Variants in ARHGEF38 observed in about 807,000 individuals in gnomAD.
The protein encoded by ARHGEF38 is Rho guanine nucleotide exchange factor 38, also known as Rho guanine nucleotide exchange factor (GEF) 38.
Under a neutral mutation model 79.9 loss-of-function variants are expected in ARHGEF38, and 79 were observed. That is an observed-to-expected ratio of 0.99 (90% CI 0.82 to 1.19). The LOEUF is 1.19. ARHGEF38 is among the 50% of genes most tolerant of loss of function. ARHGEF38 has a pLI of 0.00. For synonymous variants in ARHGEF38, 366 were observed against 328.3 expected, an observed-to-expected ratio of 1.11 and a Z score of -1.24; for missense variants, 962 against 907.2, an observed-to-expected ratio of 1.06 and a Z score of -0.78.
intron 1 of ARHGEF38, among the ~76,000 whole-genome samples, chr4:105,571,944 G>A (rs1726257324): frequency 6.6e-6 from 1 of 152,204 alleles, no homozygotes; most frequent in African/African-American, 2.4e-5. Flanking sequence ...CATTAGTCCT[G>A]TGTGTTGTAC....
chr4:105,593,047 A>C (rs984912311), intron 2 of ARHGEF38, among the ~76,000 whole-genome samples: 1 of 152,226 alleles, frequency 6.6e-6, no homozygotes, highest in African/African-American at 2.4e-5. Context: ...CTTAAAAACC[A>C]AAATCAAACA....
chr4:105,665,736 T>TA (rs1475196878), intron 10 of ARHGEF38, among the ~76,000 whole-genome samples: 8 of 152,178 alleles, frequency 5.3e-5, no homozygotes, highest in Non-Finnish European at 1.2e-4. Context: ...ATGCCAGACT[T>TA]ACCCAGTTTT....
intron 3 of ARHGEF38, among the ~76,000 whole-genome samples, chr4:105,629,231 G>T (rs1386680063): frequency 2.0e-5 from 3 of 152,120 alleles, no homozygotes; most frequent in Non-Finnish European, 4.4e-5. Context: ...ACAGTGCTCA[G>T]CAAAGCTCTG....
At chr4:105,586,685 G>A (rs1162215773) in intron 1 of ARHGEF38, among the ~76,000 whole-genome samples, 1 of 152,116 alleles carries the variant, frequency 6.6e-6, no homozygotes, top group Non-Finnish European at 1.5e-5. Flanking sequence ...ATAATTCATA[G>A]ATTAATTTTA....
intron 1 of ARHGEF38, among the ~76,000 whole-genome samples, chr4:105,588,024 A>T (rs948835654): frequency 2.6e-5 from 4 of 152,236 alleles, no homozygotes; most frequent in African/African-American, 9.6e-5. Context: ...CCAGAGAGAG[A>T]GCTCATTACT....
intron 13 of ARHGEF38, among the ~76,000 whole-genome samples, chr4:105,668,386 A>G (rs1730835244): frequency 6.6e-6 from 1 of 151,952 alleles, no homozygotes; most frequent in African/African-American, 2.4e-5. Context: ...GGGTTTCACC[A>G]TATTGGTCAG....
intron 2 of ARHGEF38, among the ~76,000 whole-genome samples, chr4:105,599,356 G>A (rs1229171627): frequency 6.6e-6 from 1 of 152,106 alleles, no homozygotes; most frequent in African/African-American, 2.4e-5. Flanking sequence ...ACCAAGTGAG[G>A]ATAAAAATGA....
intron 10 of ARHGEF38, among the ~76,000 whole-genome samples, chr4:105,661,676 T>A (rs950607018): frequency 3.3e-5 from 5 of 152,082 alleles, no homozygotes; most frequent in African/African-American, 1.2e-4. Context: ...AATATTTGCA[T>A]ATACACATCT....
At position 105,565,010 on chromosome 4, in the gene ARHGEF38, A is replaced by G. The variant is rs80219672; in HGVS notation, c.196+12049A>G. 1.8e-3 allele frequency among the ~76,000 whole-genome samples: 279 copies of G among 152,306 alleles called. 2 individuals carry two copies. Among genetic ancestry groups the G allele is most frequent in the Middle Eastern group, 0.01 (3 of 294 alleles). ...GAAGTACCCATTTATTTAACTCCTC[A>G]TTGCTCTGTCTGTGCTATGCTGATC... is the stretch of plus-strand genomic sequence containing the variant. On this transcript the variant is annotated intron_variant, in intron 1 of 13. Transcript: ENST00000420470.
Position 105,655,613 on chromosome 4 carries a change from C to T in ARHGEF38, c.1124C>T (p.Pro375Leu). 6.5e-7 allele frequency: 1 copy of T among 1,534,878 alleles called. No individual in the cohort carries two copies. The highest frequency in any genetic ancestry group is 8.7e-7 in the Non-Finnish European group (1 of 1,146,208). Residue 375 changes from proline (P) to leucine (L), a missense_variant, in exon 9 of 14, where the codon CCC (proline) becomes CTC (leucine). Physicochemically the swap from Pro to Leu is moderately conservative, Grantham distance 98 (BLOSUM62 -3). Transcript: ENST00000420470. The part of the protein sequence containing the change: ...LCLQHIQDAM[P>L]LALQSVMDLQ... ...GTTCTTGGGTTTCAGGATGCCATGC[C>T]CCTGGCTCTGCAGAGTGTGATGGAC...
rs1731179343 is a variant in ARHGEF38, at chr4:105,677,926, A to T, written c.2323A>T (p.Thr775Ser). The T allele has an allele frequency of 9.3e-6, 14 of 1,509,544 alleles. No homozygotes were observed. Among genetic ancestry groups the T allele is most frequent in the Non-Finnish European group, 1.2e-5 (14 of 1,129,728 alleles). The allele number at this position is 1,509,544 out of a possible 1,614,324, so 93.5% of individuals were successfully genotyped here. Reference protein sequence around the residue: ...YVPANYLGKMTYA With the variant: ...YVPANYLGKMSYA ...GCCAGCTAACTACCTTGGAAAGATG[A>T]CTTATGCTTAAGAAAATAAGCCTTC... Residue 775 changes from threonine to serine, a missense_variant, in exon 14 of 14, where the codon ACT (threonine) becomes TCT (serine). By Grantham distance (58) the Thr-to-Ser change is moderately conservative (BLOSUM62 1). Transcript: ENST00000420470.
chr4:105,577,736 C>G (rs1417311374), intron 1 of ARHGEF38, among the ~76,000 whole-genome samples: 1 of 152,078 alleles, frequency 6.6e-6, no homozygotes, highest in Non-Finnish European at 1.5e-5. Context: ...ACAGTACTCT[C>G]AAATGATCAT....
intron 13 of ARHGEF38, among the ~76,000 whole-genome samples, chr4:105,674,655 A>G (rs1731059727): frequency 6.6e-6 from 1 of 152,084 alleles, no homozygotes; most frequent in Admixed American, 6.5e-5. Context: ...TTTAACATAA[A>G]TTATATAAAA....
intron 1 of ARHGEF38, among the ~76,000 whole-genome samples, chr4:105,555,309 G>A (rs796216857): frequency 5.9e-5 from 9 of 152,212 alleles, no homozygotes; most frequent in East Asian, 1.9e-4. Context: ...TCTTAAAAAC[G>A]TAACCCTTAA....
At chr4:105,635,814 T>C (rs1729373933) in intron 4 of ARHGEF38, among the ~76,000 whole-genome samples, 1 of 152,088 alleles carries the variant, frequency 6.6e-6, no homozygotes, top group Non-Finnish European at 1.5e-5. Context: ...AAAAAAATTA[T>C]AATTCTGTGC....
At chr4:105,567,527 A>C (rs959483303) in intron 1 of ARHGEF38, among the ~76,000 whole-genome samples, 34 of 152,328 alleles carry the variant, frequency 2.2e-4, no homozygotes, top group African/African-American at 7.9e-4. Context: ...GAACACAATT[A>C]AGTCTTGAAA....
At chr4:105,627,358 G>A (rs1306444482) in intron 3 of ARHGEF38, among the ~76,000 whole-genome samples, 1 of 152,132 alleles carries the variant, frequency 6.6e-6, no homozygotes, top group African/African-American at 2.4e-5. Flanking sequence ...AAGGCCACCT[G>A]GTTTGGTGTG....
At chr4:105,578,675 T>C (rs1726628482) in intron 1 of ARHGEF38, among the ~76,000 whole-genome samples, 1 of 152,308 alleles carries the variant, frequency 6.6e-6, no homozygotes, top group Non-Finnish European at 1.5e-5. Flanking sequence ...GACCTTTTTG[T>C]CTTTTACTGT....
At chr4:105,624,424 A>G (rs1196549001) in intron 3 of ARHGEF38, among the ~76,000 whole-genome samples, 1 of 152,154 alleles carries the variant, frequency 6.6e-6, no homozygotes, top group Non-Finnish European at 1.5e-5. Flanking sequence ...TCTTAATAAA[A>G]TGGATACTCA....
Sources: gnomAD v4.1 joint callset for allele counts (sites outside exome capture counted in the v4.1 genomes callset) on GRCh38, gnomAD v4.1.1 for gene constraint, MANE v1.5 for transcripts, NCBI Gene and HGNC (gene_info 2026-07-23, HGNC 2026-07-21) for gene names.